The following CHD1L variants were observed in gnomAD, a reference collection of about 807,000 sequenced individuals.
CHD1L encodes ATP-dependent chromatin remodeler CHD1L.
CHD1L carries 118 observed loss-of-function variants against 115.9 expected under a neutral mutation model. The ratio of observed to expected loss-of-function variants is 1.02; its 90% confidence interval spans 0.88 to 1.19. The LOEUF (loss-of-function observed/expected upper bound fraction) is 1.19. Ranked by LOEUF, CHD1L falls within the 50% of genes most tolerant of loss-of-function variation. The pLI is 0.00. For missense variants in CHD1L, 1,179 were observed against 1,065.3 expected (o/e 1.11, Z -1.49); for synonymous variants, 411 against 387.1 (o/e 1.06, Z -0.72).
At chr1:147,294,748 A>G (rs1553975202) in intron 22 of CHD1L, among the ~76,000 whole-genome samples, 2 of 152,226 alleles carry the variant, frequency 1.3e-5, no homozygotes. Context: ...AGATAAATTA[A>G]AAGATACATG....
chr1:147,212,340 G>A, the CHD1L span: 10 of 1,588,758 alleles, frequency 6.3e-6, no homozygotes, highest in African/African-American at 2.7e-5. Flanking sequence ...AGCTTCCTTG[G>A]AGAAACTGAA....
At chr1:147,264,117 A>C (rs1672981885) in intron 6 of CHD1L, among the ~76,000 whole-genome samples, 1 of 152,212 alleles carries the variant, frequency 6.6e-6, no homozygotes, top group South Asian at 2.1e-4. Flanking sequence ...ATCTAAATTC[A>C]GTAATAACAG....
At chr1:147,249,586 A>G (rs1158287403) in intron 1 of CHD1L, among the ~76,000 whole-genome samples, 3 of 151,670 alleles carry the variant, frequency 2.0e-5, no homozygotes, top group African/African-American at 7.3e-5. Flanking sequence ...TTGTATTTTT[A>G]GTAGAGATGG....
the CHD1L span, chr1:147,203,948 C>T: frequency 6.8e-6 from 9 of 1,332,140 alleles, no homozygotes; most frequent in Admixed American, 3.4e-5. Flanking sequence ...AGCTGTAGCA[C>T]CAACTGTTTT....
At chr1:147,209,052 C>G in the CHD1L span, 1 of 1,612,662 alleles carries the variant, frequency 6.2e-7, no homozygotes, top group Non-Finnish European at 8.5e-7. Context: ...TGAGGAAAAC[C>G]TGGGGCATGG....
chr1:147,252,618 TC>T lies in CHD1L; in HGVS notation c.128-4del, dbSNP rs1348787806. 6 of 1,612,436 alleles carry T rather than the reference TC, an allele frequency of 3.7e-6. No individual in the cohort carries two copies. Among genetic ancestry groups the T allele is most frequent in the Non-Finnish European group, 5.1e-6 (6 of 1,178,868 alleles). ...CTTCGGATTTGCTGTATTTTTTGTT[TC>T]TAGGGATTCACCTACGCTCTTACCA... is the stretch of plus-strand genomic sequence containing the variant. On this transcript the variant is annotated splice_polypyrimidine_tract_variant and splice_region_variant and intron_variant, in intron 1 of 22. Coordinates refer to ENST00000369258, the MANE Select transcript of CHD1L (RefSeq NM_004284.6).
chr1:147,190,641 G>A, the CHD1L span, among the ~76,000 whole-genome samples: 1 of 151,932 alleles, frequency 6.6e-6, no homozygotes, highest in Non-Finnish European at 1.5e-5. Context: ...GATAACAAAG[G>A]GACCTTATAT....
intron 20 of CHD1L, 24 bp downstream of exon 20, chr1:147,291,576 A>C (rs1685543552): frequency 6.3e-7 from 1 of 1,587,414 alleles, no homozygotes; most frequent in Non-Finnish European, 8.7e-7. Flanking sequence ...ATCTCTTCTC[A>C]GAACTACAAG....
upstream of CHD1L, among the ~76,000 whole-genome samples, chr1:147,241,681 T>G (rs1400974625): frequency 6.6e-6 from 1 of 152,202 alleles, no homozygotes; most frequent in Non-Finnish European, 1.5e-5. Flanking sequence ...TAAACCAATC[T>G]GAAGTCATCC....
At chr1:147,192,785 A>T in the CHD1L span, among the ~76,000 whole-genome samples, 15 of 152,024 alleles carry the variant, frequency 9.9e-5, no homozygotes, top group African/African-American at 2.9e-4. Flanking sequence ...GGTTTTTGTC[A>T]TTGGTTCTGT....
At chr1:147,204,335 C>G in the CHD1L span, 3 of 977,170 alleles carry the variant, frequency 3.1e-6, no homozygotes, top group Middle Eastern at 2.0e-4. Context: ...CTGATGTTAT[C>G]AACTTTGAAA....
chr1:147,272,518 G>T (rs1360081840), intron 12 of CHD1L: 2 of 357,990 alleles, frequency 5.6e-6, no homozygotes, highest in Non-Finnish European at 1.0e-5. Flanking sequence ...ATTCTAATCT[G>T]CTTTGACCAT....
At chr1:147,217,428 A>G in the CHD1L span, among the ~76,000 whole-genome samples, 1 of 152,114 alleles carries the variant, frequency 6.6e-6, no homozygotes, top group African/African-American at 2.4e-5. Context: ...ACCTTAATCA[A>G]TTTGGATCTC....
chr1:147,211,490 A>T, the CHD1L span: 24 of 152,294 alleles, frequency 1.6e-4, no homozygotes, highest in African/African-American at 5.8e-4. Context: ...AGTGTTTTTC[A>T]AACAAAGTTG....
At chr1:147,203,903 AT>A in the CHD1L span, 2 of 1,571,858 alleles carry the variant, frequency 1.3e-6, no homozygotes, top group South Asian at 1.1e-5. Flanking sequence ...TCAGTGTCCC[AT>A]TTCTTCAAGG....
rs782715735 is a variant in CHD1L at position 147,242,769 on chromosome 1, T to C, written c.66T>C (p.Thr22=). 3.2e-6 allele frequency: 4 copies of C among 1,269,198 alleles called. No individual in the cohort carries two copies. The African/African-American group carries it at 4.6e-5, about 15-fold the overall frequency. The allele number at this position is 1,269,198 out of a possible 1,614,324, so 78.6% of individuals were successfully genotyped here. A position where few individuals can be genotyped will look rare whatever the true frequency, so the allele number is the denominator to read the frequency against. The change falls in exon 1 of 23, where the codon ACT becomes ACC. Residue 22 remains threonine (T), a synonymous_variant. Transcript: ENST00000369258. ...CTGGCTTCTTACTGCGGCTTCATAC[T>C]GAGGGCCGAGCCGAGGCGGCGCGGG... ...QAPGFLLRLH[T]EGRAEAARVQ...
intron 14 of CHD1L, among the ~76,000 whole-genome samples, chr1:147,278,193 G>A (rs906452077): frequency 1.1e-4 from 17 of 149,738 alleles, no homozygotes; most frequent in African/African-American, 4.2e-4. Context: ...AAAGAAAGCA[G>A]GGGATTTTTG....
intron 14 of CHD1L, among the ~76,000 whole-genome samples, chr1:147,279,762 G>T (rs905448547): frequency 7.9e-5 from 12 of 152,066 alleles, no homozygotes; most frequent in African/African-American, 2.9e-4. Context: ...AAAATTGGAG[G>T]CTTATACATT....
intron 13 of CHD1L, 107 bp from the exon 14 acceptor site, chr1:147,275,997 G>A (rs1678293416): frequency 9.1e-7 from 1 of 1,104,112 alleles, no homozygotes. Context: ...ATTGTACCCT[G>A]AATATGGTAT....
Sources: gnomAD v4.1 joint callset for allele counts (sites outside exome capture counted in the v4.1 genomes callset) on GRCh38, gnomAD v4.1.1 for gene constraint, MANE v1.5 for transcripts, NCBI Gene and HGNC (gene_info 2026-07-23, HGNC 2026-07-21) for gene names.